The following ANXA7 variants were observed in gnomAD, a reference collection of about 807,000 sequenced individuals.
The protein encoded by ANXA7 is annexin A7.
A neutral mutation model predicts 64.9 loss-of-function variants in ANXA7; 55 were observed. The observed-to-expected ratio is 0.85, with a 90% CI of 0.68 to 1.06. ANXA7 has a LOEUF of 1.06. Among genes scored for constraint, ANXA7 ranks in the 50% least tolerant of loss-of-function variants. ANXA7 has a pLI of 0.00. For synonymous variants in ANXA7, 200 were observed against 192.4 expected, an observed-to-expected ratio of 1.04 and a Z score of -0.33; for missense variants, 548 against 582.1, an observed-to-expected ratio of 0.94 and a Z score of 0.60.
chr10:73,403,543 A>T (rs2055707486), intron 1 of ANXA7, among the ~76,000 whole-genome samples: 1 of 152,184 alleles, frequency 6.6e-6, no homozygotes, highest in Non-Finnish European at 1.5e-5. Context: ...CAGTGTGTGG[A>T]TGTATCATGG....
intron 3 of ANXA7, 114 bp downstream of exon 3, chr10:73,398,067 A>T: frequency 9.5e-7 from 1 of 1,047,426 alleles, no homozygotes; most frequent in East Asian, 2.6e-5. Context: ...ACCTAAGGTT[A>T]CCTAAGAGCG....
chr10:73,393,852 A>C (rs538894594), intron 5 of ANXA7, among the ~76,000 whole-genome samples: 22 of 152,192 alleles, frequency 1.4e-4, no homozygotes, highest in Admixed American at 1.3e-3. Context: ...AGCCAAAATT[A>C]AGAAATGGGA....
intron 3 of ANXA7, 49 bp from the exon 4 acceptor site, chr10:73,397,323 C>T: frequency 8.4e-7 from 1 of 1,193,072 alleles, no homozygotes; most frequent in Non-Finnish European, 1.2e-6. Flanking sequence ...CTCATGATTG[C>T]AGAAAAAACT....
intron 5 of ANXA7, among the ~76,000 whole-genome samples, chr10:73,391,490 T>C (rs548323589): frequency 1.3e-5 from 2 of 151,490 alleles, no homozygotes; most frequent in South Asian, 4.2e-4. Context: ...TGCACAACTA[T>C]AGTCCCAGTT....
chr10:73,406,100 C>T (rs566191349), intron 1 of ANXA7, among the ~76,000 whole-genome samples: 7 of 152,114 alleles, frequency 4.6e-5, no homozygotes, highest in South Asian at 4.2e-4. Context: ...GGATTACAGG[C>T]GCCCACCACC....
intron 9 of ANXA7, among the ~76,000 whole-genome samples, chr10:73,381,014 T>TA (rs1478735347): frequency 1.3e-5 from 2 of 152,066 alleles, no homozygotes; most frequent in African/African-American, 4.8e-5. Context: ...GGAGGCTTCA[T>TA]AAACTTTCTT....
intron 4 of ANXA7, 51 bp downstream of exon 4, chr10:73,397,113 A>T: frequency 1.9e-6 from 2 of 1,050,574 alleles, no homozygotes; most frequent in Non-Finnish European, 2.7e-6. Context: ...ATGGTGATTT[A>T]AAAACTCAAA....
At chr10:73,405,110 G>GC (rs745707922) in intron 1 of ANXA7, among the ~76,000 whole-genome samples, 68 of 152,126 alleles carry the variant, frequency 4.5e-4, no homozygotes, top group Non-Finnish European at 7.9e-4. Context: ...GGGTGTGGTG[G>GC]CATGTGCCTG....
intron 1 of ANXA7, among the ~76,000 whole-genome samples, chr10:73,412,686 G>A (rs1395318249): frequency 6.6e-6 from 1 of 151,442 alleles, no homozygotes; most frequent in East Asian, 1.9e-4. Context: ...GTAGAGACGG[G>A]GTTTCACCGT....
At chr10:73,394,820 T>G (rs2055544223) in intron 5 of ANXA7, among the ~76,000 whole-genome samples, 1 of 152,152 alleles carries the variant, frequency 6.6e-6, no homozygotes, top group Non-Finnish European at 1.5e-5. Context: ...GTAACAAACT[T>G]GCACGTTGTG....
intron 6 of ANXA7, 30 bp downstream of exon 6, chr10:73,388,282 T>C (rs771435604): frequency 2.2e-5 from 34 of 1,544,554 alleles, no homozygotes; most frequent in East Asian, 1.8e-4. Flanking sequence ...CTTTAACTTA[T>C]TAAAAAAGAC....
At chr10:73,377,583 A>C (rs1261672058) in intron 12 of ANXA7, 4 of 151,382 alleles carry the variant, frequency 2.6e-5, no homozygotes, top group East Asian at 2.0e-4. Context: ...AAAAAAAAAA[A>C]AAAAAAAAAA....
intron 1 of ANXA7, among the ~76,000 whole-genome samples, chr10:73,404,259 T>G (rs766848994): frequency 6.6e-6 from 1 of 152,346 alleles, no homozygotes; most frequent in South Asian, 2.1e-4. Context: ...CAAAAGTTGA[T>G]AGTCTTCTGA....
At position 73,375,998 on chromosome 10, in the gene ANXA7, G is replaced by T. The variant is rs533707302; in HGVS notation, c.*97C>A. 9.5e-7 allele frequency: 1 copy of T among 1,057,482 alleles called. No individual in the cohort carries two copies. Among genetic ancestry groups the T allele is most frequent in the South Asian group, 2.2e-5 (1 of 46,214 alleles). 65.5% of individuals were successfully genotyped at this position (1,057,482 alleles called of 1,614,324 possible). On this transcript the variant is annotated 3_prime_UTR_variant, in exon 13 of 13. Transcript: ENST00000372921. ...ACGGTCCTTGACAGAAAGCTCTTTC[G>T]GTTAGCTGATGTTTGATATTGCTGC...
At chr10:73,413,943 C>G (rs1360199095) in intron 1 of ANXA7, 69 bp downstream of exon 1, 1 of 152,744 alleles carries the variant, frequency 6.5e-6, no homozygotes, top group Non-Finnish European at 1.5e-5. Context: ...CAGCAGCGCC[C>G]AGAGCTGGCC....
intron 4 of ANXA7, 66 bp downstream of exon 4, chr10:73,397,098 C>A (rs2055587651): frequency 1.4e-6 from 1 of 731,950 alleles, no homozygotes. Flanking sequence ...AACTAAGTTC[C>A]CTCAATGGTG....
At chr10:73,395,177 C>T (rs1286711129) in intron 5 of ANXA7, among the ~76,000 whole-genome samples, 1 of 152,166 alleles carries the variant, frequency 6.6e-6, no homozygotes, top group Non-Finnish European at 1.5e-5. Context: ...CTAGAATCTT[C>T]TCAGCTTTGT....
At position 73,390,866 on chromosome 10, in the gene ANXA7, T is replaced by C. The variant is rs538291675; in HGVS notation, c.436-2452A>G. The stretch of plus-strand genomic sequence containing the variant: ...TACTGTCATCTTCCAGGCATTAAAC[T>C]GAATTCAAAGAAATCAGGATCTGGG... On this transcript the variant is annotated intron_variant, in intron 5 of 12. Transcript: ENST00000372921. Among the ~76,000 whole-genome samples, 24 of 152,004 alleles carry C rather than the reference T, an allele frequency of 1.6e-4. No individual in the cohort carries two copies. In the South Asian group the frequency reaches 5.0e-3, roughly 32 times the overall value.
chr10:73,385,776 T>C (rs1024662154), intron 7 of ANXA7, among the ~76,000 whole-genome samples: 1 of 152,108 alleles, frequency 6.6e-6, no homozygotes, highest in African/African-American at 2.4e-5. Context: ...GGGTTTGTGT[T>C]GCATAATCAG....
Sources: allele counts gnomAD v4.1 joint callset (sites outside exome capture counted in the v4.1 genomes callset), GRCh38; gene constraint gnomAD v4.1.1; transcripts MANE v1.5; gene names NCBI Gene and HGNC (gene_info 2026-07-23, HGNC 2026-07-21).